The following ZNF292 variants were observed in gnomAD, a reference collection of about 807,000 sequenced individuals.
The protein encoded by ZNF292 is 16 zinc-finger domain protein.
A neutral mutation model predicts 217.9 loss-of-function variants in ZNF292; 26 were observed. The observed-to-expected ratio is 0.12, with a 90% confidence interval of 0.09 to 0.17. ZNF292 has a LOEUF of 0.17. Among genes scored for constraint, ZNF292 ranks in the 10% least tolerant of loss-of-function variants. The probability of loss-of-function intolerance (pLI) is 1.00; values close to 1 mark genes in which losing one functional copy is unlikely to be tolerated. For missense variants in ZNF292, 2,904 were observed against 3,175.2 expected, an observed-to-expected ratio of 0.91 and a Z score of 2.05; for synonymous variants, 1,257 against 1,124.1, an observed-to-expected ratio of 1.12 and a Z score of -2.37.
chr6:87,226,442 T>G (rs1278535269), intron 4 of ZNF292, among the ~76,000 whole-genome samples: 1 of 151,896 alleles, frequency 6.6e-6, no homozygotes, highest in Non-Finnish European at 1.5e-5. Flanking sequence ...TAGCGATAAC[T>G]AATGTTGCCC....
Position 87,256,909 on chromosome 6 carries a change from C to A in ZNF292, c.3280C>A (p.Pro1094Thr). Reference protein sequence around the residue: ...LGTPSVPPKAPVQKFSCQVEG... With the variant: ...LGTPSVPPKATVQKFSCQVEG... ...AACTCCATCAGTGCCTCCAAAAGCTCCAGTTCAGAAATTCAGCTGCCAGGT... is the reference window on the plus strand; with the variant it reads ...AACTCCATCAGTGCCTCCAAAAGCTACAGTTCAGAAATTCAGCTGCCAGGT... Residue 1094 changes from proline (P) to threonine (T), a missense_variant, in exon 8 of 8, where the codon CCA (proline) becomes ACA (threonine). Coordinates refer to ENST00000369577, the MANE Select transcript of ZNF292 (RefSeq NM_015021.3). 2 of 1,613,828 alleles carry A rather than the reference C, an allele frequency of 1.2e-6. No homozygotes were observed. Among genetic ancestry groups the A allele is most frequent in the Non-Finnish European group, 1.7e-6 (2 of 1,179,830 alleles).
intron 3 of ZNF292, among the ~76,000 whole-genome samples, chr6:87,217,407 C>T (rs745428072): frequency 6.6e-6 from 1 of 152,026 alleles, no homozygotes; most frequent in Non-Finnish European, 1.5e-5. Flanking sequence ...TCCTGTTTGT[C>T]ACATTGCAAC....
chr6:87,248,153 A>G (rs1437231812), intron 7 of ZNF292, among the ~76,000 whole-genome samples: 1 of 152,190 alleles, frequency 6.6e-6, no homozygotes, highest in Non-Finnish European at 1.5e-5. Flanking sequence ...AAAAACTGAG[A>G]TGCAGCATGA....
chr6:87,260,518 C>T lies in ZNF292; in HGVS notation c.6889C>T (p.Pro2297Ser), dbSNP rs768421108. Residue 2297 changes from proline to serine, a missense_variant, in exon 8 of 8, where the codon CCA (proline) becomes TCA (serine). Around this residue, in one of 15 missense-constraint regions of ZNF292, gnomAD observed 101 missense variants for 89.5 expected, o/e 1.13. Coordinates refer to ENST00000369577, the MANE Select transcript of ZNF292 (RefSeq NM_015021.3). ...TTTGATTCGTCCAAGAAGATTAACA[C>T]CAGGCCAGGAAAATATGTCAAGCAA... is the stretch of plus-strand genomic sequence containing the variant. ...AHLIRPRRLT[P>S]GQENMSSKAN... is the part of the protein sequence containing the mutation. 1.2e-5 allele frequency: 19 copies of T among 1,613,040 alleles called. No individual in the cohort carries two copies. Among genetic ancestry groups the T allele is most frequent in the Non-Finnish European group, 1.4e-5 (17 of 1,179,602 alleles).
At chr6:87,161,019 C>G (rs1198974702) in intron 1 of ZNF292, among the ~76,000 whole-genome samples, 1 of 151,700 alleles carries the variant, frequency 6.6e-6, no homozygotes, top group East Asian at 1.9e-4. Flanking sequence ...TAGTTAAGCT[C>G]CAGAAATATA....
At chr6:87,159,281 A>G (rs897730802) in intron 1 of ZNF292, among the ~76,000 whole-genome samples, 1 of 152,126 alleles carries the variant, frequency 6.6e-6, no homozygotes, top group Non-Finnish European at 1.5e-5. Flanking sequence ...GCTTATTTAA[A>G]TGAGAATTTG....
intron 5 of ZNF292, among the ~76,000 whole-genome samples, chr6:87,237,221 C>A (rs1170848351): frequency 6.6e-6 from 1 of 151,956 alleles, no homozygotes; most frequent in Non-Finnish European, 1.5e-5. Flanking sequence ...TTTTGATAAG[C>A]AAATCAATTT....
rs1490979416 is a variant in ZNF292 at position 87,257,194 on chromosome 6, C to T, written c.3565C>T (p.Pro1189Ser). 2 of 1,613,850 alleles carry T rather than the reference C, an allele frequency of 1.2e-6. No individual in the cohort carries two copies. The highest frequency in any genetic ancestry group is 2.2e-5 in the South Asian group (2 of 91,076). Residue 1189 changes from proline to serine, a missense_variant, in exon 8 of 8, where the codon CCA becomes TCA. Physicochemically the swap from Pro to Ser is moderately conservative, Grantham distance 74. Coordinates refer to ENST00000369577, the MANE Select transcript of ZNF292 (RefSeq NM_015021.3). Reference sequence around the variant, plus strand: ...TTCGGCCCAGTTGCAGCATGTCTCGCCACCCATTTTTCCAGCTCATTTAGC... The same window carrying T: ...TTCGGCCCAGTTGCAGCATGTCTCGTCACCCATTTTTCCAGCTCATTTAGC... ...ACSAQLQHVS[P>S]PIFPAHLASV...
At chr6:87,245,437 G>A in intron 6 of ZNF292, 66 bp from the exon 7 acceptor site, 1 of 1,193,432 alleles carries the variant, frequency 8.4e-7, no homozygotes, top group Non-Finnish European at 1.2e-6. Context: ...TGTAATGACT[G>A]GACTGATGTC....
At chr6:87,244,300 A>G (rs190996640) in intron 6 of ZNF292, among the ~76,000 whole-genome samples, 2 of 152,366 alleles carry the variant, frequency 1.3e-5, no homozygotes, top group African/African-American at 4.8e-5. Flanking sequence ...TGAAGGAAAA[A>G]TAGTATATGC....
intron 1 of ZNF292, among the ~76,000 whole-genome samples, chr6:87,164,501 T>G (rs771623702): frequency 6.6e-6 from 1 of 152,240 alleles, no homozygotes; most frequent in East Asian, 1.9e-4. Context: ...GGACCATTTC[T>G]ATAACACTCT....
intron 1 of ZNF292, among the ~76,000 whole-genome samples, chr6:87,177,282 G>A (rs987881929): frequency 8.0e-5 from 12 of 149,868 alleles, no homozygotes; most frequent in South Asian, 2.1e-4. Flanking sequence ...AGCCGAGATC[G>A]CACCACTGTA....
rs1775294080 is a variant in ZNF292 at position 87,257,499 on chromosome 6, G to A, written c.3870G>A (p.Leu1290=). The A allele has an allele frequency of 3.1e-6, 5 of 1,611,082 alleles. No individual in the cohort carries two copies. In the African/African-American group the frequency reaches 4.0e-5, roughly 13 times the overall value. Residue 1290 remains leucine (L), a synonymous_variant, in exon 8 of 8, where the codon CTG becomes CTA. Coordinates refer to ENST00000369577, the MANE Select transcript of ZNF292 (RefSeq NM_015021.3). ...DSGTNSVFSQ[L]ENNTNHYSSQ... ...GGACTAATTCTGTTTTTTCCCAACTGGAAAATAATACAAATCATTATTCCT... is the reference window on the plus strand; with the variant it reads ...GGACTAATTCTGTTTTTTCCCAACTAGAAAATAATACAAATCATTATTCCT...
chr6:87,182,383 G>A (rs1271957337), intron 1 of ZNF292, among the ~76,000 whole-genome samples: 3 of 152,062 alleles, frequency 2.0e-5, no homozygotes. Context: ...ATTTCCACCT[G>A]GTTATTTCCT....
At position 87,259,931 on chromosome 6, in the gene ZNF292, C is replaced by G; in HGVS notation, c.6302C>G (p.Ser2101Cys). Residue 2101 changes from serine to cysteine, a missense_variant, in exon 8 of 8, where the codon TCC becomes TGC. This residue lies in a region of ZNF292 where 261 missense variants were observed against 272.8 expected (regional missense o/e 0.96). Transcript: ENST00000369577. ...AAACGAAAGAAGCCAGTTTCCCAAT[C>G]CCTTGAGTTTCCAACAAGATACAGT... is the stretch of plus-strand genomic sequence containing the variant. ...EKKRKKPVSQSLEFPTRYSPY... is the reference protein window; with the variant it reads ...EKKRKKPVSQCLEFPTRYSPY... The G allele has an allele frequency of 6.2e-7, 1 of 1,613,650 alleles. No individual in the cohort carries two copies. The highest frequency in any genetic ancestry group is 8.5e-7 in the Non-Finnish European group (1 of 1,179,698).
chr6:87,175,617 A>T (rs990695931), intron 1 of ZNF292, among the ~76,000 whole-genome samples: 8 of 152,172 alleles, frequency 5.3e-5, no homozygotes. Flanking sequence ...AGGAGTACAG[A>T]TGTGAACCAC....
At chr6:87,169,506 ATAATT>A (rs1771029860) in intron 1 of ZNF292, among the ~76,000 whole-genome samples, 1 of 152,220 alleles carries the variant, frequency 6.6e-6, no homozygotes, top group Admixed American at 6.5e-5. Flanking sequence ...TTTCATATAA[ATAATT>A]TAAATTAAGT....
chr6:87,258,420 A>G lies in ZNF292; in HGVS notation c.4791A>G (p.Gln1597=), dbSNP rs1183148526. The G allele has an allele frequency of 6.2e-7, 1 of 1,613,694 alleles. No individual in the cohort carries two copies. The highest frequency in any genetic ancestry group is 8.5e-7 in the Non-Finnish European group (1 of 1,179,788). ...TTCCTAATTCTGGTGGGCCATCACAAAATTTTACCAGTAACAGTTCTCGTG... is the reference window on the plus strand; with the variant it reads ...TTCCTAATTCTGGTGGGCCATCACAGAATTTTACCAGTAACAGTTCTCGTG... The part of the protein sequence containing the change: ...SSFPNSGGPS[Q]NFTSNSSRVS... Residue 1597 remains glutamine (Q), a synonymous_variant, in exon 8 of 8, where the codon CAA becomes CAG. Coordinates refer to ENST00000369577, the MANE Select transcript of ZNF292 (RefSeq NM_015021.3).
chr6:87,196,032 A>C (rs888711432), intron 1 of ZNF292, among the ~76,000 whole-genome samples: 1 of 151,892 alleles, frequency 6.6e-6, no homozygotes, highest in Non-Finnish European at 1.5e-5. Context: ...CGTCTCAAAA[A>C]AAAAAAAACA....
Sources: allele counts gnomAD v4.1 joint callset (sites outside exome capture counted in the v4.1 genomes callset), GRCh38; gene constraint gnomAD v4.1.1; regional missense constraint gnomAD v4.1.1; transcripts MANE v1.5; gene names NCBI Gene and HGNC (gene_info 2026-07-23, HGNC 2026-07-21).